Variants in GOLM1 observed in about 807,000 individuals in gnomAD.
GOLM1 encodes epididymis luminal protein 46.
In GOLM1, 31 loss-of-function variants were observed where a neutral mutation model predicts 50.5. The ratio of observed to expected loss-of-function variants is 0.61; its 90% CI spans 0.46 to 0.83. The LOEUF (loss-of-function observed/expected upper bound fraction) is 0.83. GOLM1 is among the 40% of genes least tolerant of loss of function. The pLI is 0.00. For synonymous variants in GOLM1, 178 were observed against 192.8 expected (o/e 0.92, Z 0.64); for missense variants, 491 against 501.3 (o/e 0.98, Z 0.20).
intron 4 of GOLM1, among the ~76,000 whole-genome samples, chr9:86,049,234 C>T (rs1310337974): frequency 6.6e-6 from 1 of 152,140 alleles, no homozygotes; most frequent in Non-Finnish European, 1.5e-5. Flanking sequence ...GTCTATATCT[C>T]TGTTTTGGTA....
rs150856038 is a variant in GOLM1 at position 86,073,609 on chromosome 9, A to G, written c.309+3803T>C. Reference sequence around the variant, plus strand: ...CCCACACTGCTCCCGAACCTTACAGAGAAGGGGGAAAGGCACCAAGGAACC... The same window carrying G: ...CCCACACTGCTCCCGAACCTTACAGGGAAGGGGGAAAGGCACCAAGGAACC... On this transcript the variant is annotated intron_variant, in intron 3 of 9. Transcript: ENST00000388712. Among the ~76,000 whole-genome samples, 550 of 152,186 alleles carry G rather than the reference A, an allele frequency of 3.6e-3. 4 individuals are homozygous for G. The highest frequency in any genetic ancestry group is 0.013 in the African/African-American group (529 of 41,524).
At chr9:86,096,773 A>G (rs1835366313) in intron 1 of GOLM1, among the ~76,000 whole-genome samples, 1 of 152,214 alleles carries the variant, frequency 6.6e-6, no homozygotes, top group Non-Finnish European at 1.5e-5. Context: ...TTGGGCCTTG[A>G]GACACAATAT....
chr9:86,058,126 A>G (rs1213602873), intron 3 of GOLM1, among the ~76,000 whole-genome samples: 1 of 152,242 alleles, frequency 6.6e-6, no homozygotes, highest in African/African-American at 2.4e-5. Flanking sequence ...AATATCAAGT[A>G]TTCATTGGAA....
chr9:86,068,551 C>T (rs1834369441), intron 3 of GOLM1, among the ~76,000 whole-genome samples: 1 of 152,214 alleles, frequency 6.6e-6, no homozygotes, highest in African/African-American at 2.4e-5. Context: ...TCTCAGGTGA[C>T]AGCTGCACTT....
intron 3 of GOLM1, among the ~76,000 whole-genome samples, chr9:86,063,773 C>T (rs545649410): frequency 3.3e-5 from 5 of 152,322 alleles, no homozygotes; most frequent in South Asian, 2.1e-4. Flanking sequence ...GCCTCCGTTA[C>T]GCCTTCTATG....
At position 86,035,478 on chromosome 9, in the gene GOLM1, A is replaced by C. The variant is rs1833103480; in HGVS notation, c.905T>G (p.Val302Gly). ...GAGELGQTPQ[V>G]QAALSVSQEN... Reference sequence around the variant, plus strand: ...CTGGCTCACTGACAGGGCAGCCTGCACCTGTGGGGTCTGGCCCAGTTCTCC... The same window carrying C: ...CTGGCTCACTGACAGGGCAGCCTGCCCCTGTGGGGTCTGGCCCAGTTCTCC... The change falls in exon 8 of 10, where the codon GTG (valine) becomes GGG (glycine). Residue 302 changes from valine (V) to glycine (G), a missense_variant. Physicochemically the swap from Val to Gly is moderately radical, Grantham distance 109. Coordinates refer to ENST00000388712, the MANE Select transcript of GOLM1 (RefSeq NM_016548.4). 15 of 1,613,358 alleles carry C rather than the reference A, an allele frequency of 9.3e-6. No individual in the cohort carries two copies. The highest frequency in any genetic ancestry group is 1.3e-5 in the Non-Finnish European group (15 of 1,179,902).
chr9:86,049,440 G>C (rs1030105033), intron 4 of GOLM1, among the ~76,000 whole-genome samples: 1 of 152,186 alleles, frequency 6.6e-6, no homozygotes, highest in African/African-American at 2.4e-5. Flanking sequence ...GGATGGCATT[G>C]AATCTACAAA....
intron 9 of GOLM1, among the ~76,000 whole-genome samples, chr9:86,031,885 C>T (rs1472220883): frequency 6.9e-6 from 1 of 144,736 alleles, no homozygotes; most frequent in Non-Finnish European, 1.5e-5. Flanking sequence ...AAGATCGCGC[C>T]ACTGCACTTC....
intron 3 of GOLM1, among the ~76,000 whole-genome samples, chr9:86,066,134 G>T (rs1834301285): frequency 6.6e-6 from 1 of 152,170 alleles, no homozygotes; most frequent in African/African-American, 2.4e-5. Flanking sequence ...ATTTTGAAGA[G>T]GCAAAATCTT....
intron 5 of GOLM1, among the ~76,000 whole-genome samples, chr9:86,042,437 C>T (rs1379683109): frequency 1.3e-5 from 2 of 152,096 alleles, no homozygotes; most frequent in South Asian, 2.1e-4. Flanking sequence ...ACTACATCAA[C>T]CTCTGACTCT....
In GOLM1 at chr9:86,062,898, T is replaced by C. The variant is rs144162463; in HGVS notation, c.310-10307A>G. Among the ~76,000 whole-genome samples the C allele has an allele frequency of 5.1e-3, 775 of 152,278 alleles. 15 individuals carry two copies. Among genetic ancestry groups the C allele is most frequent in the African/African-American group, 0.018 (758 of 41,542 alleles). On this transcript the variant is annotated intron_variant, in intron 3 of 9. Coordinates refer to ENST00000388712, the MANE Select transcript of GOLM1 (RefSeq NM_016548.4). ...ATGCACTTTGAGGCTTCTCTAGCAG[T>C]GGACGAGCGCCTGTCTTCTTAGTCC...
chr9:86,061,083 G>A (rs1008702543), intron 3 of GOLM1, among the ~76,000 whole-genome samples: 4 of 152,058 alleles, frequency 2.6e-5, no homozygotes, highest in Middle Eastern at 6.8e-3. Flanking sequence ...AAAACGGCAC[G>A]AGTTGTAATC....
intron 1 of GOLM1, among the ~76,000 whole-genome samples, chr9:86,098,280 TAACAC>T (rs1270854117): frequency 8.4e-6 from 1 of 119,376 alleles, no homozygotes; most frequent in Non-Finnish European, 2.2e-5. Context: ...TCATCTTTTA[TAACAC>T]AACTGGAAGA....
intron 4 of GOLM1, among the ~76,000 whole-genome samples, chr9:86,050,804 C>A (rs926463919): frequency 3.9e-5 from 6 of 152,040 alleles, no homozygotes; most frequent in Non-Finnish European, 7.4e-5. Flanking sequence ...TTGATCTTTT[C>A]AAAAAACCAG....
chr9:86,043,557 C>T (rs1235298708), intron 5 of GOLM1, among the ~76,000 whole-genome samples: 1 of 152,154 alleles, frequency 6.6e-6, no homozygotes, highest in Non-Finnish European at 1.5e-5. Context: ...CTAAAAGGGC[C>T]TATAATCCAA....
At chr9:86,084,458 A>T (rs1435060379) in intron 1 of GOLM1, among the ~76,000 whole-genome samples, 4 of 152,158 alleles carry the variant, frequency 2.6e-5, no homozygotes, top group Non-Finnish European at 5.9e-5. Context: ...ACATAACCTC[A>T]ATCTTATCAG....
At chr9:86,075,516 A>C (rs1387293731) in intron 3 of GOLM1, among the ~76,000 whole-genome samples, 1 of 152,170 alleles carries the variant, frequency 6.6e-6, no homozygotes, top group Non-Finnish European at 1.5e-5. Flanking sequence ...TTTCCACTTG[A>C]CAGTTGAGAA....
intron 3 of GOLM1, among the ~76,000 whole-genome samples, chr9:86,060,410 CA>C: frequency 6.6e-6 from 1 of 152,106 alleles, no homozygotes; most frequent in Non-Finnish European, 1.5e-5. Context: ...TTCACACACA[CA>C]AACAACAAGA....
intron 1 of GOLM1, among the ~76,000 whole-genome samples, chr9:86,091,403 A>G (rs1835181538): frequency 6.6e-6 from 1 of 152,070 alleles, no homozygotes; most frequent in Non-Finnish European, 1.5e-5. Context: ...TGATGTAAGG[A>G]GTAAGGAAAT....
Sources: allele counts gnomAD v4.1 joint callset (sites outside exome capture counted in the v4.1 genomes callset), GRCh38; gene constraint gnomAD v4.1.1; transcripts MANE v1.5; gene names NCBI Gene and HGNC (gene_info 2026-07-23, HGNC 2026-07-21).